The following SHROOM4 variants were observed in gnomAD, a reference collection of about 807,000 sequenced individuals.
SHROOM4 encodes protein Shroom4.
A neutral mutation model predicts 80.3 loss-of-function variants in SHROOM4; 17 were observed. The observed-to-expected ratio is 0.21, with a 90% CI of 0.14 to 0.32. SHROOM4 has a LOEUF of 0.32. Ranked by LOEUF, SHROOM4 falls within the 10% of genes least tolerant of loss-of-function variation. SHROOM4 has a pLI of 1.00. For missense variants in SHROOM4, 993 were observed against 1,140.3 expected (o/e 0.87, Z 1.86); for synonymous variants, 400 against 437.5 (o/e 0.91, Z 1.07).
chrX:50,802,635 T>C (rs1936148950), intron 1 of SHROOM4, among the ~76,000 whole-genome samples: 1 of 112,356 alleles, frequency 8.9e-6, no homozygotes, highest in African/African-American at 3.2e-5. Flanking sequence ...AGTTCAGGTC[T>C]TTCCTCATGG....
At chrX:50,760,439 G>A (rs782058835) in intron 1 of SHROOM4, among the ~76,000 whole-genome samples, 16 of 106,885 alleles carry the variant, frequency 1.5e-4, no homozygotes, top group South Asian at 8.6e-4. Flanking sequence ...CTGGGCCCAA[G>A]CAATCCTCCT....
chrX:50,737,482 C>A (rs1934523316), intron 1 of SHROOM4, among the ~76,000 whole-genome samples: 1 of 111,508 alleles, frequency 9.0e-6, no homozygotes, highest in South Asian at 3.7e-4. Flanking sequence ...TATTTAAATA[C>A]AAACAGATTG....
chrX:50,753,522 T>C (rs992650469), intron 1 of SHROOM4, among the ~76,000 whole-genome samples: 2 of 111,803 alleles, frequency 1.8e-5, no homozygotes, highest in East Asian at 5.6e-4. Flanking sequence ...TCCAGTACAG[T>C]AGCCATCCAC....
intron 5 of SHROOM4, among the ~76,000 whole-genome samples, chrX:50,615,373 T>C (rs145785469): frequency 5.5e-4 from 61 of 111,183 alleles, no homozygotes; most frequent in African/African-American, 1.9e-3. Context: ...TCTGACTTAC[T>C]TTTAGAATTC....
intron 2 of SHROOM4, among the ~76,000 whole-genome samples, chrX:50,651,299 G>T (rs1257113686): frequency 1.8e-5 from 2 of 112,106 alleles, no homozygotes; most frequent in Non-Finnish European, 3.8e-5. Flanking sequence ...AGTTCATAAA[G>T]AACTTTCATA....
At chrX:50,611,586 C>T (rs1329614417) in intron 5 of SHROOM4, among the ~76,000 whole-genome samples, 1 of 111,258 alleles carries the variant, frequency 9.0e-6, no homozygotes, top group Non-Finnish European at 1.9e-5. Flanking sequence ...ATGAAAATAT[C>T]AGAAGCTAGA....
chrX:50,666,809 T>C (rs1557260388), intron 2 of SHROOM4, among the ~76,000 whole-genome samples: 3 of 111,010 alleles, frequency 2.7e-5, no homozygotes, highest in Non-Finnish European at 5.7e-5. Flanking sequence ...AAGCCTTTTT[T>C]TATGACTGAG....
chrX:50,796,252 A>C (rs1936008378), intron 1 of SHROOM4, among the ~76,000 whole-genome samples: 2 of 111,987 alleles, frequency 1.8e-5, no homozygotes, highest in African/African-American at 6.5e-5. Flanking sequence ...TATTAATGGC[A>C]CTCAGGCAGC....
In SHROOM4 at chrX:50,814,150, G is replaced by C; in HGVS notation, c.-132C>G. On this transcript the variant is annotated 5_prime_UTR_variant, in exon 1 of 9. Coordinates refer to ENST00000376020, the MANE Select transcript of SHROOM4 (RefSeq NM_020717.5). ...ACCGCCCTGCTCCGCCTACTCTCCC[G>C]GCTGGAGACGCTCAGGCAGCGAGCG... 2.0e-6 allele frequency: 1 copy of C among 497,987 alleles called. No homozygotes were observed. The highest frequency in any genetic ancestry group is 3.6e-6 in the Non-Finnish European group (1 of 277,873). The allele number at this position is 497,987 out of a possible 1,213,427, so 41.0% of individuals were successfully genotyped here. A position where few individuals can be genotyped will look rare whatever the true frequency, so the allele number is the denominator to read the frequency against.
intron 1 of SHROOM4, among the ~76,000 whole-genome samples, chrX:50,765,984 C>T (rs1224413242): frequency 1.8e-5 from 2 of 111,757 alleles, no homozygotes; most frequent in Non-Finnish European, 3.8e-5. Flanking sequence ...TTTCCTTCAC[C>T]GTCATCACCC....
At chrX:50,645,358 T>C (rs1931787206) in intron 2 of SHROOM4, among the ~76,000 whole-genome samples, 1 of 112,142 alleles carries the variant, frequency 8.9e-6, no homozygotes, top group African/African-American at 3.2e-5. Flanking sequence ...CTTTCTCCTT[T>C]TGCTCAGTGG....
At chrX:50,616,078 T>C (rs1602369481) in intron 5 of SHROOM4, among the ~76,000 whole-genome samples, 1 of 112,170 alleles carries the variant, frequency 8.9e-6, no homozygotes, top group Non-Finnish European at 1.9e-5. Flanking sequence ...GCTTGTCTCA[T>C]GTAGGTGCTC....
At chrX:50,759,573 A>G (rs1446031806) in intron 1 of SHROOM4, among the ~76,000 whole-genome samples, 10 of 111,702 alleles carry the variant, frequency 9.0e-5, no homozygotes, top group African/African-American at 3.3e-4. Context: ...AGTAATTATC[A>G]TATTATTGGT....
chrX:50,700,080 A>T (rs781955527), intron 1 of SHROOM4, among the ~76,000 whole-genome samples: 91 of 111,665 alleles, frequency 8.1e-4, no homozygotes, highest in Middle Eastern at 4.6e-3. Context: ...ATGGGCATCA[A>T]CTGAAACTTT....
intron 2 of SHROOM4, among the ~76,000 whole-genome samples, chrX:50,651,258 C>A (rs782164947): frequency 8.5e-4 from 95 of 112,058 alleles, no homozygotes; most frequent in African/African-American, 3.0e-3. Context: ...GTAAAGCCAT[C>A]TAACTGCTAA....
In SHROOM4 at chrX:50,607,860, G is replaced by A. The variant is rs1557248972; in HGVS notation, c.3282C>T (p.Ala1094=). Residue 1094 remains alanine, a synonymous_variant, in exon 6 of 9, where the codon GCC becomes GCT. Transcript: ENST00000376020. ...GAGGAGGAGGAAAGGCCTTCTTCCT[G>A]GCTCCGAGAAGATCCGACTGGGTCT... ...GDETQSDLLG[A]RKKAFPPPRP... is the part of the protein sequence containing the mutation. The A allele has an allele frequency of 8.3e-7, 1 of 1,209,302 alleles. No individual in the cohort carries two copies. The highest frequency in any genetic ancestry group is 1.7e-5 in the African/African-American group (1 of 57,691).
At chrX:50,631,335 T>G (rs1557254088) in intron 4 of SHROOM4, among the ~76,000 whole-genome samples, 1 of 110,949 alleles carries the variant, frequency 9.0e-6, no homozygotes, top group Non-Finnish European at 1.9e-5. Context: ...TGAAAAAAAA[T>G]ACAACATCCA....
Position 50,808,130 on chromosome X carries a change from A to G in SHROOM4, c.117+5772T>C, listed in dbSNP as rs1602531464. Among the ~76,000 whole-genome samples the G allele has an allele frequency of 7.2e-5, 8 of 111,769 alleles. 1 individual carries two copies. ...GAAAGAGCTAGGGCTCTGCTAGAAA[A>G]GTGAAACAAGATGATATAATATTTG... On this transcript the variant is annotated intron_variant, in intron 1 of 8. Coordinates refer to ENST00000376020, the MANE Select transcript of SHROOM4 (RefSeq NM_020717.5).
intron 3 of SHROOM4, among the ~76,000 whole-genome samples, chrX:50,637,085 C>T (rs1931390290): frequency 9.0e-6 from 1 of 111,724 alleles, no homozygotes; most frequent in South Asian, 3.8e-4. Context: ...ACAGCAAAGC[C>T]AAACCTGGAA....
Sources: allele counts gnomAD v4.1 joint callset (sites outside exome capture counted in the v4.1 genomes callset), GRCh38; gene constraint gnomAD v4.1.1; transcripts MANE v1.5; gene names NCBI Gene and HGNC (gene_info 2026-07-23, HGNC 2026-07-21).